ZBTB20: variants seen among roughly 807,000 people sequenced by gnomAD.
ZBTB20 encodes zinc finger and BTB domain containing 20.
A neutral mutation model predicts 56.9 loss-of-function variants in ZBTB20; 9 were observed. The observed-to-expected ratio is 0.16, with a 90% CI of 0.10 to 0.28. The LOEUF (loss-of-function observed/expected upper bound fraction) is 0.28. ZBTB20 is among the 10% of genes least tolerant of loss of function. ZBTB20 has a pLI of 1.00. For missense variants in ZBTB20, 655 were observed against 1,003.0 expected (o/e 0.65, Z 4.69); for synonymous variants, 417 against 420.7 (o/e 0.99, Z 0.11).
At chr3:114,609,224 A>T (rs2057377855) in intron 6 of ZBTB20, among the ~76,000 whole-genome samples, 2 of 152,240 alleles carry the variant, frequency 1.3e-5, no homozygotes, top group Admixed American at 1.3e-4. Context: ...CTAACCAAGA[A>T]ACAAAAATAT....
chr3:114,785,456 T>C (rs1393709687), intron 5 of ZBTB20, among the ~76,000 whole-genome samples: 1 of 152,116 alleles, frequency 6.6e-6, no homozygotes, highest in East Asian at 1.9e-4. Context: ...GATTAGCACA[T>C]CAGGTGTTGA....
At chr3:114,418,585 T>TA (rs11393775) in intron 7 of ZBTB20, among the ~76,000 whole-genome samples, 87,296 of 147,216 alleles carry the variant, frequency 0.59, 28,052 homozygotes, top group Non-Finnish European at 0.74. Flanking sequence ...TTGAGTATAT[T>TA]AAAAAAAAAA....
chr3:114,340,447 C>T (rs1296772233), intron 11 of ZBTB20, among the ~76,000 whole-genome samples: 2 of 152,170 alleles, frequency 1.3e-5, no homozygotes, highest in Non-Finnish European at 2.9e-5. Context: ...TTGCTCTCAG[C>T]CTGTTGGCGG....
chr3:115,104,827 C>T (rs2083676172), intron 1 of ZBTB20, among the ~76,000 whole-genome samples: 1 of 152,090 alleles, frequency 6.6e-6, no homozygotes, highest in African/African-American at 2.4e-5. Flanking sequence ...AGGCACAACA[C>T]CAAGAGTGAA....
chr3:114,948,001 T>G (rs1024634131), intron 3 of ZBTB20, among the ~76,000 whole-genome samples: 5 of 145,498 alleles, frequency 3.4e-5, no homozygotes, highest in Non-Finnish European at 5.9e-5. Flanking sequence ...GACAAGAACA[T>G]TAAGAGAAGG....
chr3:114,516,751 G>C (rs1035080183), intron 6 of ZBTB20, among the ~76,000 whole-genome samples: 1 of 152,116 alleles, frequency 6.6e-6, no homozygotes, highest in Non-Finnish European at 1.5e-5. Flanking sequence ...TGACGATGAC[G>C]GCAGAGATTG....
chr3:114,945,935 A>G (rs2076872098), intron 3 of ZBTB20, among the ~76,000 whole-genome samples: 1 of 145,508 alleles, frequency 6.9e-6, no homozygotes, highest in South Asian at 2.1e-4. Flanking sequence ...GTACAAGAAG[A>G]GCATTAAATA....
chr3:114,440,903 A>C (rs554857582), intron 7 of ZBTB20, among the ~76,000 whole-genome samples: 16 of 152,252 alleles, frequency 1.1e-4, no homozygotes, highest in Admixed American at 5.9e-4. Context: ...TATTCTCTAC[A>C]TTAGGGCTGT....
At chr3:114,395,262 C>G (rs2086232372) in intron 7 of ZBTB20, among the ~76,000 whole-genome samples, 1 of 151,942 alleles carries the variant, frequency 6.6e-6, no homozygotes, top group Non-Finnish European at 1.5e-5. Context: ...GCAGAGAGGT[C>G]ATTGTGGGGA....
chr3:114,844,906 T>C (rs2074616218), intron 4 of ZBTB20, among the ~76,000 whole-genome samples: 1 of 148,192 alleles, frequency 6.7e-6, no homozygotes, highest in Non-Finnish European at 1.5e-5. Flanking sequence ...TCTTTGCCCA[T>C]TTAAATAATA....
At chr3:114,805,142 G>A (rs1325940705) in intron 4 of ZBTB20, among the ~76,000 whole-genome samples, 1 of 151,862 alleles carries the variant, frequency 6.6e-6, no homozygotes, top group Non-Finnish European at 1.5e-5. Flanking sequence ...TTTTCCTAAT[G>A]TTACTATCTT....
intron 6 of ZBTB20, among the ~76,000 whole-genome samples, chr3:114,689,135 T>TA (rs911534389): frequency 6.6e-6 from 1 of 152,220 alleles, no homozygotes; most frequent in African/African-American, 2.4e-5. Context: ...GTGGGGTTTT[T>TA]ATCCTTCCTT....
intron 4 of ZBTB20, among the ~76,000 whole-genome samples, chr3:114,851,521 GTA>G (rs2074998224): frequency 6.6e-6 from 1 of 151,718 alleles, no homozygotes; most frequent in Non-Finnish European, 1.5e-5. Context: ...TTTCCCCATT[GTA>G]TTTCCAATTT....
At chr3:114,662,413 T>C (rs1384368180) in intron 6 of ZBTB20, among the ~76,000 whole-genome samples, 8 of 145,016 alleles carry the variant, frequency 5.5e-5, no homozygotes, top group Non-Finnish European at 3.0e-5. Flanking sequence ...CCTTTGGGTA[T>C]ATACCCAGTA....
At chr3:114,807,505 T>C (rs890643973) in intron 4 of ZBTB20, among the ~76,000 whole-genome samples, 2 of 151,782 alleles carry the variant, frequency 1.3e-5, no homozygotes, top group African/African-American at 4.8e-5. Context: ...TACATGTATT[T>C]ATCATTCTGC....
chr3:114,881,299 T>C (rs1176149014), intron 4 of ZBTB20, among the ~76,000 whole-genome samples: 2 of 152,082 alleles, frequency 1.3e-5, no homozygotes, highest in African/African-American at 2.4e-5. Context: ...TGTGAAATAA[T>C]TGCCTTTTAA....
intron 5 of ZBTB20, among the ~76,000 whole-genome samples, chr3:114,695,388 A>G (rs2062944511): frequency 6.6e-6 from 1 of 151,920 alleles, no homozygotes; most frequent in African/African-American, 2.4e-5. Flanking sequence ...ACAGAAAATG[A>G]GAGCCGAGAA....
intron 4 of ZBTB20, among the ~76,000 whole-genome samples, chr3:114,868,994 A>G (rs2075882619): frequency 6.6e-6 from 1 of 152,060 alleles, no homozygotes; most frequent in Non-Finnish European, 1.5e-5. Flanking sequence ...CTCCATAAAG[A>G]CCTTATGAAT....
chr3:114,597,058 A>T (rs2107603425), intron 6 of ZBTB20, among the ~76,000 whole-genome samples: 1 of 150,702 alleles, frequency 6.6e-6, no homozygotes, highest in Non-Finnish European at 1.5e-5. Context: ...ATATATATAT[A>T]AAGGCCCACA....
Sources: gnomAD v4.1 joint callset for allele counts (sites outside exome capture counted in the v4.1 genomes callset) on GRCh38, gnomAD v4.1.1 for gene constraint, MANE v1.5 for transcripts, NCBI Gene and HGNC (gene_info 2026-07-23, HGNC 2026-07-21) for gene names.